KSR1: variants seen among roughly 807,000 people sequenced by gnomAD.
KSR1 encodes the protein kinase suppressor of ras 1.
KSR1 carries 35 observed loss-of-function variants against 92.9 expected under a neutral mutation model. The ratio of observed to expected loss-of-function variants is 0.38; its 90% CI spans 0.29 to 0.50. The LOEUF is 0.50. Ranked by LOEUF, KSR1 falls within the 20% of genes least tolerant of loss-of-function variation. The probability of loss-of-function intolerance (pLI) is 0.94; values close to 1 mark genes in which losing one functional copy is unlikely to be tolerated. For synonymous variants in KSR1, 467 were observed against 472.6 expected (o/e 0.99, Z 0.15); for missense variants, 972 against 1,158.5 (o/e 0.84, Z 2.34).
intron 1 of KSR1, among the ~76,000 whole-genome samples, chr17:27,481,595 C>G (rs543736123): frequency 6.6e-6 from 1 of 152,176 alleles, no homozygotes; most frequent in Non-Finnish European, 1.5e-5. Flanking sequence ...CTGCTTGACT[C>G]TCTGGTGACT....
At chr17:27,554,654 T>C (rs2071524953) in intron 2 of KSR1, among the ~76,000 whole-genome samples, 3 of 152,224 alleles carry the variant, frequency 2.0e-5, no homozygotes, top group Non-Finnish European at 4.4e-5. Context: ...TTCTACATTA[T>C]GGTGAGTTGT....
At chr17:27,560,110 G>C (rs2071763522) in intron 2 of KSR1, among the ~76,000 whole-genome samples, 1 of 152,182 alleles carries the variant, frequency 6.6e-6, no homozygotes, top group Non-Finnish European at 1.5e-5. Context: ...AGATGGGAGG[G>C]AGCTCAGAGG....
chr17:27,553,650 T>G (rs1021202920), intron 2 of KSR1, among the ~76,000 whole-genome samples: 1 of 152,238 alleles, frequency 6.6e-6, no homozygotes, highest in African/African-American at 2.4e-5. Context: ...CATTAGCTGC[T>G]GTCATTCCAT....
chr17:27,513,959 G>C (rs369534503), intron 1 of KSR1, among the ~76,000 whole-genome samples: 3 of 152,198 alleles, frequency 2.0e-5, no homozygotes, highest in Non-Finnish European at 4.4e-5. Flanking sequence ...GTGGAGAATC[G>C]TCGGAAAGGC....
chr17:27,590,358 G>C (rs575469980), intron 6 of KSR1, among the ~76,000 whole-genome samples: 2 of 152,164 alleles, frequency 1.3e-5, no homozygotes, highest in Admixed American at 1.3e-4. Flanking sequence ...GTATTCCATC[G>C]TATGGAAAGA....
At chr17:27,616,748 T>A (rs574902056) in intron 18 of KSR1, among the ~76,000 whole-genome samples, 145 of 152,272 alleles carry the variant, frequency 9.5e-4, no homozygotes, top group Non-Finnish European at 1.2e-3. Context: ...CACATGTGGA[T>A]CCTGAGAGTA....
intron 20 of KSR1, chr17:27,622,924 A>G (rs2074264103): frequency 4.2e-6 from 1 of 240,540 alleles, no homozygotes; most frequent in Non-Finnish European, 8.0e-6. Flanking sequence ...ATTAGAGTTT[A>G]TTGCTAAAAG....
chr17:27,583,123 G>A lies in KSR1; in HGVS notation c.980+18G>A, dbSNP rs906234100. 6.7e-7 allele frequency: 1 copy of A among 1,486,214 alleles called. No individual in the cohort carries two copies. 92.1% of individuals were successfully genotyped at this position (1,486,214 alleles called of 1,614,324 possible). A position where few individuals can be genotyped will look rare whatever the true frequency, so the allele number is the denominator to read the frequency against. On this transcript the variant is annotated intron_variant, in intron 4 of 20. Transcript: ENST00000644974. ...TCGATGAGGTGAGTGCTCCTTCTGG[G>A]CAGCTACCAAAAGTGCCCTCTGTGG...
chr17:27,505,092 G>A (rs554188360), intron 1 of KSR1, among the ~76,000 whole-genome samples: 58 of 152,296 alleles, frequency 3.8e-4, no homozygotes, highest in African/African-American at 1.2e-3. Flanking sequence ...GGATTGGGAC[G>A]GGAGCCCTGG....
intron 13 of KSR1, among the ~76,000 whole-genome samples, chr17:27,604,985 A>G (rs2073700531): frequency 6.6e-6 from 1 of 152,200 alleles, no homozygotes; most frequent in Non-Finnish European, 1.5e-5. Context: ...CCTTGAACAA[A>G]AGTGTCAGCC....
chr17:27,583,734 A>G (rs1451936852), intron 4 of KSR1, among the ~76,000 whole-genome samples: 1 of 152,260 alleles, frequency 6.6e-6, no homozygotes, highest in African/African-American at 2.4e-5. Flanking sequence ...GGTATCTCTG[A>G]GAACATCATG....
chr17:27,563,349 C>T (rs934816818), intron 2 of KSR1, among the ~76,000 whole-genome samples: 2 of 152,010 alleles, frequency 1.3e-5, no homozygotes, highest in Non-Finnish European at 2.9e-5. Context: ...CTGCAGCGTT[C>T]AACTCCCGGA....
chr17:27,557,409 GCACGCT>G (rs902645154), intron 2 of KSR1, among the ~76,000 whole-genome samples: 1 of 152,200 alleles, frequency 6.6e-6, no homozygotes, highest in Admixed American at 6.5e-5. Flanking sequence ...ATTAGACATA[GCACGCT>G]CACTTGGCTG....
intron 11 of KSR1, among the ~76,000 whole-genome samples, chr17:27,602,185 C>T (rs969369202): frequency 2.0e-5 from 3 of 152,130 alleles, no homozygotes; most frequent in Admixed American, 6.5e-5. Flanking sequence ...TTTTCTATTC[C>T]CTAAGCCAGC....
chr17:27,599,954 G>A (rs2073490270), intron 10 of KSR1, among the ~76,000 whole-genome samples: 1 of 151,978 alleles, frequency 6.6e-6, no homozygotes, highest in Non-Finnish European at 1.5e-5. Flanking sequence ...CAATATCACT[G>A]TCTTCCACCT....
At chr17:27,609,802 G>A (rs1054921380) in intron 16 of KSR1, 2 of 401,006 alleles carry the variant, frequency 5.0e-6, no homozygotes, top group Non-Finnish European at 9.0e-6. Context: ...AGCAGAGGGA[G>A]CTGGGCACCT....
intron 13 of KSR1, among the ~76,000 whole-genome samples, 166 bp from the exon 14 acceptor site, chr17:27,605,268 G>C (rs916971217): frequency 6.6e-6 from 1 of 152,252 alleles, no homozygotes; most frequent in Non-Finnish European, 1.5e-5. Flanking sequence ...GTCCACTGAT[G>C]CTAAGTGAGC....
chr17:27,527,562 A>ATTT (rs1296420115), intron 1 of KSR1, among the ~76,000 whole-genome samples: 1 of 152,022 alleles, frequency 6.6e-6, no homozygotes, highest in African/African-American at 2.4e-5. Context: ...AGCCTGGCTA[A>ATTT]TTTTTGTATT....
At position 27,623,570 on chromosome 17, in the gene KSR1, A is replaced by G. The variant is rs772716895; in HGVS notation, c.*178A>G. The G allele has an allele frequency of 9.3e-6, 6 of 643,028 alleles. No homozygotes were observed. Among genetic ancestry groups the G allele is most frequent in the South Asian group, 5.1e-5 (3 of 58,658 alleles). 39.8% of individuals were successfully genotyped at this position (643,028 alleles called of 1,614,324 possible). On this transcript the variant is annotated 3_prime_UTR_variant, in exon 21 of 21. Transcript: ENST00000644974. ...CTCGGGAGATGGAGCTGCACCTGCTATTTCTTAAAATGACACCACCAACAA... is the reference window on the plus strand; with the variant it reads ...CTCGGGAGATGGAGCTGCACCTGCTGTTTCTTAAAATGACACCACCAACAA...
Sources: gnomAD v4.1 joint callset for allele counts (sites outside exome capture counted in the v4.1 genomes callset) on GRCh38, gnomAD v4.1.1 for gene constraint, MANE v1.5 for transcripts, NCBI Gene and HGNC (gene_info 2026-07-23, HGNC 2026-07-21) for gene names.